Variants in EHMT1 observed in about 807,000 individuals in gnomAD.
EHMT1 encodes euchromatic histone lysine methyltransferase 1, also known as histone-lysine N-methyltransferase EHMT1.
In EHMT1, 15 loss-of-function variants were observed where a neutral mutation model predicts 147.2. That is an observed-to-expected ratio of 0.10 (90% CI 0.07 to 0.16). The LOEUF (loss-of-function observed/expected upper bound fraction) is 0.16, where lower values mean the gene tolerates loss of function less well. Among genes scored for constraint, EHMT1 ranks in the 10% least tolerant of loss-of-function variants. EHMT1 has a pLI of 1.00. For synonymous variants in EHMT1, 795 were observed against 709.6 expected, an observed-to-expected ratio of 1.12 and a Z score of -1.91; for missense variants, 1,587 against 1,772.4, an observed-to-expected ratio of 0.90 and a Z score of 1.88.
At chr9:137,701,686 G>C (rs2135178736) in intron 1 of EHMT1, among the ~76,000 whole-genome samples, 1 of 146,654 alleles carries the variant, frequency 6.8e-6, no homozygotes, top group East Asian at 2.0e-4. Flanking sequence ...GGAGTGCAAT[G>C]GTGTGATCTC....
At chr9:137,812,304 A>T (rs1296445965) in intron 19 of EHMT1, among the ~76,000 whole-genome samples, 1 of 152,146 alleles carries the variant, frequency 6.6e-6, no homozygotes, top group African/African-American at 2.4e-5. Flanking sequence ...GCGACGCTAC[A>T]CTCCAACCTG....
At position 137,675,680 on chromosome 9, in the gene EHMT1, T is replaced by TGGAATGCAATGGCGTGATCTC. The variant is rs1446364076; in HGVS notation, c.22-35285_22-35284insAATGCAATGGCGTGATCTCGG. 8.5e-5 allele frequency among the ~76,000 whole-genome samples: 12 copies of TGGAATGCAATGGCGTGATCTC among 141,566 alleles called. No individual in the cohort carries two copies. In the East Asian group the frequency reaches 2.3e-3, roughly 28 times the overall value. 92.9% of individuals were successfully genotyped at this position (141,566 alleles called of 152,430 possible). ...ACAGAGTCTCGCTCTGTCACCAGGC[T>TGGAATGCAATGGCGTGATCTC]GGCTCACTGCAACCTCCACCTCCCG... On this transcript the variant is annotated intron_variant, in intron 1 of 26. Coordinates refer to ENST00000460843, the MANE Select transcript of EHMT1 (RefSeq NM_024757.5).
At chr9:137,728,882 G>T (rs1341182689) in intron 4 of EHMT1, among the ~76,000 whole-genome samples, 2 of 152,198 alleles carry the variant, frequency 1.3e-5, no homozygotes, top group Non-Finnish European at 2.9e-5. Flanking sequence ...GGGTGTGCTG[G>T]GGAAGTCTGT....
chr9:137,675,630 ATTTTTTTT>A (rs61666243), intron 1 of EHMT1, among the ~76,000 whole-genome samples: 2 of 105,760 alleles, frequency 1.9e-5, no homozygotes, highest in African/African-American at 8.3e-5. Flanking sequence ...CGCCCGGCTA[ATTTTTTTT>A]TTTTTTTTTT....
At chr9:137,814,059 C>G (rs11137245) in intron 21 of EHMT1, among the ~76,000 whole-genome samples, 12,837 of 26,636 alleles carry the variant, frequency 0.48, 1,711 homozygotes, top group South Asian at 0.58. Context: ...TGCCCAGGCC[C>G]CCCCCCCCCC....
At chr9:137,777,146 C>A in intron 12 of EHMT1, 1 of 386,276 alleles carries the variant, frequency 2.6e-6, no homozygotes, top group South Asian at 2.4e-5. Context: ...GGTACACAAG[C>A]GATAGACGAG....
intron 3 of EHMT1, among the ~76,000 whole-genome samples, chr9:137,721,056 C>T (rs986806359): frequency 1.3e-5 from 2 of 152,014 alleles, no homozygotes; most frequent in Non-Finnish European, 1.5e-5. Flanking sequence ...TTATTTAGCG[C>T]TTCTGTTGGG....
intron 10 of EHMT1, among the ~76,000 whole-genome samples, chr9:137,767,206 A>C (rs1950273778): frequency 6.6e-6 from 1 of 152,158 alleles, no homozygotes; most frequent in Non-Finnish European, 1.5e-5. Context: ...TGCAGATTCA[A>C]ACTCCTGCAC....
At chr9:137,641,382 A>G in intron 1 of EHMT1, 1 of 521,090 alleles carries the variant, frequency 1.9e-6, no homozygotes, top group Non-Finnish European at 3.8e-6. Flanking sequence ...ATAAAAACCT[A>G]TTCTGTAACC....
chr9:137,619,537 T>C (rs1174524193), intron 1 of EHMT1, among the ~76,000 whole-genome samples: 1 of 152,108 alleles, frequency 6.6e-6, no homozygotes, highest in East Asian at 1.9e-4. Flanking sequence ...TTTCACTTTG[T>C]TCTGAGTAGG....
intron 6 of EHMT1, chr9:137,745,668 C>T (rs768210635): frequency 4.3e-5 from 17 of 397,338 alleles, no homozygotes; most frequent in South Asian, 4.1e-4. Flanking sequence ...ACGTGTCTGT[C>T]GCTCCAGTGC....
At chr9:137,711,125 C>T in intron 2 of EHMT1, 95 bp downstream of exon 2, 3 of 1,323,290 alleles carry the variant, frequency 2.3e-6, no homozygotes, top group Non-Finnish European at 3.1e-6. Flanking sequence ...CGTCTTCTGA[C>T]TTTCTTTGCT....
At chr9:137,807,478 CTTATTTATTTATTTATTTAT>C (rs60007941) in intron 18 of EHMT1, among the ~76,000 whole-genome samples, 13 of 148,110 alleles carry the variant, frequency 8.8e-5, no homozygotes, top group African/African-American at 2.2e-4. Flanking sequence ...GCTTTATTTA[CTTATTTATTTATTTATTTAT>C]TTATTTATTT....
At chr9:137,621,953 CTTT>C (rs1282210861) in intron 1 of EHMT1, among the ~76,000 whole-genome samples, 2 of 137,300 alleles carry the variant, frequency 1.5e-5, no homozygotes, top group Non-Finnish European at 3.2e-5. Flanking sequence ...TTTTTTTTTT[CTTT>C]TTATTTTTTT....
intron 9 of EHMT1, among the ~76,000 whole-genome samples, chr9:137,758,979 T>G (rs1057119142): frequency 2.0e-5 from 3 of 151,902 alleles, no homozygotes; most frequent in Admixed American, 2.0e-4. Context: ...TACAAAAAAT[T>G]AGCCGGGCGT....
chr9:137,774,988 G>A lies in EHMT1; in HGVS notation c.1648-121G>A, dbSNP rs568173433. 476 of 1,440,438 alleles carry A rather than the reference G, an allele frequency of 3.3e-4. 3 individuals carry two copies. Among genetic ancestry groups the A allele is most frequent in the South Asian group, 2.3e-3 (201 of 86,592 alleles). 89.2% of individuals were successfully genotyped at this position (1,440,438 alleles called of 1,614,324 possible). The stretch of plus-strand genomic sequence containing the variant: ...AAGCCAAGCTGGCCTTGCAGGGCTC[G>A]GCTCAGTCAGCCCACACCTGCTGAG... On this transcript the variant is annotated intron_variant, in intron 10 of 26. Transcript: ENST00000460843.
chr9:137,700,838 G>A (rs369537339), intron 1 of EHMT1, among the ~76,000 whole-genome samples: 4 of 152,298 alleles, frequency 2.6e-5, no homozygotes, highest in East Asian at 3.9e-4. Context: ...CCAGGTTTCT[G>A]GGTGTATTGG....
At chr9:137,649,840 G>C (rs1362983353) in intron 1 of EHMT1, among the ~76,000 whole-genome samples, 2 of 152,166 alleles carry the variant, frequency 1.3e-5, no homozygotes, top group Non-Finnish European at 2.9e-5. Context: ...ACTGCGAAAA[G>C]ATAAAAATAA....
chr9:137,665,616 C>G (rs1231570875), intron 1 of EHMT1, among the ~76,000 whole-genome samples: 1 of 152,118 alleles, frequency 6.6e-6, no homozygotes, highest in Non-Finnish European at 1.5e-5. Flanking sequence ...GATTCCATGT[C>G]TAGGTTTTTG....
Sources: gnomAD v4.1 joint callset for allele counts (sites outside exome capture counted in the v4.1 genomes callset) on GRCh38, gnomAD v4.1.1 for gene constraint, MANE v1.5 for transcripts, NCBI Gene and HGNC (gene_info 2026-07-23, HGNC 2026-07-21) for gene names.